KIDINS220: variants seen among roughly 807,000 people sequenced by gnomAD.
The protein encoded by KIDINS220 is kinase D-interacting substrate of 220 kDa.
In KIDINS220, 63 loss-of-function variants were observed where a neutral mutation model predicts 157.6. The ratio of observed to expected loss-of-function variants is 0.40; its 90% confidence interval spans 0.33 to 0.49. The LOEUF is 0.49. Among genes scored for constraint, KIDINS220 ranks in the 20% least tolerant of loss-of-function variants. The pLI, the probability that KIDINS220 is intolerant of heterozygous loss-of-function variation, is 0.66. For synonymous variants in KIDINS220, 732 were observed against 783.6 expected (o/e 0.93, Z 1.10); for missense variants, 1,772 against 2,171.2 (o/e 0.82, Z 3.65).
At position 8,810,741 on chromosome 2, in the gene KIDINS220, A is replaced by G. The variant is rs970523151; in HGVS notation, c.504+1654T>C. ...GCAGAGGTTGCAGTAAGCCAAGATC[A>G]TGCCACTGCACTCCAGCCTAGGTGA... is the stretch of plus-strand genomic sequence containing the variant. On this transcript the variant is annotated intron_variant, in intron 6 of 29. Coordinates refer to ENST00000256707, the MANE Select transcript of KIDINS220 (RefSeq NM_020738.4). Among the ~76,000 whole-genome samples the G allele has an allele frequency of 2.6e-5, 4 of 152,112 alleles. No individual in the cohort carries two copies. In the South Asian group the frequency reaches 8.3e-4, roughly 31 times the overall value.
intron 26 of KIDINS220, among the ~76,000 whole-genome samples, chr2:8,745,965 C>A (rs560435377): frequency 1.3e-5 from 2 of 151,560 alleles, no homozygotes; most frequent in Non-Finnish European, 2.9e-5. Flanking sequence ...GTAAATAAAA[C>A]AACCAAAGTT....
In KIDINS220 at chr2:8,730,093, G is replaced by GC. The variant is rs894589304; in HGVS notation, c.*626dup. The GC allele has an allele frequency of 8.1e-6, 8 of 985,680 alleles. No homozygotes were observed. The highest frequency in any genetic ancestry group is 1.7e-5 in the African/African-American group (1 of 57,228). 61.1% of individuals were successfully genotyped at this position (985,680 alleles called of 1,614,324 possible). ...TCTACTCTCCTAACAGCTCAGGACAGCCCCGTCACACTACTGCCAGCCCTG... is the reference window on the plus strand; with the variant it reads ...TCTACTCTCCTAACAGCTCAGGACAGCCCCCGTCACACTACTGCCAGCCCTG... On this transcript the variant is annotated 3_prime_UTR_variant, in exon 30 of 30. Coordinates refer to ENST00000256707, the MANE Select transcript of KIDINS220 (RefSeq NM_020738.4).
downstream of KIDINS220, among the ~76,000 whole-genome samples, chr2:8,726,183 T>C (rs1204985185): frequency 3.3e-5 from 5 of 152,348 alleles, no homozygotes; most frequent in South Asian, 6.2e-4. Context: ...TTTATTCTTA[T>C]ACATTCTTTC....
At chr2:8,783,675 A>G (rs1331525683) in intron 17 of KIDINS220, among the ~76,000 whole-genome samples, 1 of 152,200 alleles carries the variant, frequency 6.6e-6, no homozygotes, top group Non-Finnish European at 1.5e-5. Context: ...CCTATATATC[A>G]GCGTCAAACA....
At chr2:8,796,406 C>T (rs985159597) in intron 11 of KIDINS220, among the ~76,000 whole-genome samples, 1 of 152,156 alleles carries the variant, frequency 6.6e-6, no homozygotes, top group African/African-American at 2.4e-5. Flanking sequence ...TGTCAGTGAA[C>T]ATTAACACCG....
At chr2:8,827,403 C>T (rs768541302) in intron 1 of KIDINS220, among the ~76,000 whole-genome samples, 6 of 152,178 alleles carry the variant, frequency 3.9e-5, no homozygotes, top group Non-Finnish European at 8.8e-5. Context: ...CTCCCCTGCT[C>T]CTCCTGCTGT....
At chr2:8,801,444 C>T (rs2148325427) in intron 8 of KIDINS220, among the ~76,000 whole-genome samples, 1 of 152,306 alleles carries the variant, frequency 6.6e-6, no homozygotes, top group Admixed American at 6.5e-5. Flanking sequence ...TGGGTGCAGA[C>T]TAGTAAACTT....
intron 21 of KIDINS220, among the ~76,000 whole-genome samples, chr2:8,772,042 G>C (rs1029639256): frequency 2.0e-5 from 3 of 152,146 alleles, no homozygotes; most frequent in Non-Finnish European, 4.4e-5. Flanking sequence ...AAGTTAGTCT[G>C]GTGGGAAGGC....
intron 24 of KIDINS220, 71 bp from the exon 25 acceptor site, chr2:8,748,071 T>C: frequency 2.3e-6 from 2 of 867,214 alleles, no homozygotes; most frequent in East Asian, 2.9e-5. Context: ...ATTTTTCAAA[T>C]GAAACCAATA....
In KIDINS220 at chr2:8,793,799, T is replaced by G. The variant is rs746500018; in HGVS notation, c.1276+11A>C. The G allele has an allele frequency of 1.3e-6, 2 of 1,580,322 alleles. No individual in the cohort carries two copies. The highest frequency in any genetic ancestry group is 4.5e-5 in the East Asian group (2 of 44,246). On this transcript the variant is annotated intron_variant, in intron 12 of 29. Coordinates refer to ENST00000256707, the MANE Select transcript of KIDINS220 (RefSeq NM_020738.4). ...TTAAAAGCTCAGTTAGGAGCAAAAC[T>G]CAATACTTACTGGCTCCAAATATTT...
downstream of KIDINS220, among the ~76,000 whole-genome samples, chr2:8,728,338 C>T (rs1471581248): frequency 6.6e-6 from 1 of 151,484 alleles, no homozygotes; most frequent in African/African-American, 2.4e-5. Context: ...AACAAACAAA[C>T]AAACAAACAA....
intron 27 of KIDINS220, 59 bp downstream of exon 27, chr2:8,736,808 CA>C: frequency 6.3e-7 from 1 of 1,584,930 alleles, no homozygotes; most frequent in Non-Finnish European, 8.6e-7. Flanking sequence ...ACACGACCCA[CA>C]CAGTCCTGTC....
At chr2:8,750,410 C>G (rs1316686298) in intron 23 of KIDINS220, 75 bp from the exon 24 acceptor site, 24 of 959,688 alleles carry the variant, frequency 2.5e-5, no homozygotes, top group Non-Finnish European at 3.4e-5. Context: ...TCACATTCTT[C>G]TTTAGTTACT....
intron 1 of KIDINS220, among the ~76,000 whole-genome samples, chr2:8,834,857 ATT>A (rs1680180141): frequency 6.6e-6 from 1 of 152,142 alleles, no homozygotes; most frequent in South Asian, 2.1e-4. Flanking sequence ...ATTTATTTTT[ATT>A]GAGACAGGGT....
At chr2:8,767,395 A>C (rs1669623063) in intron 22 of KIDINS220, among the ~76,000 whole-genome samples, 1 of 152,190 alleles carries the variant, frequency 6.6e-6, no homozygotes, top group South Asian at 2.1e-4. Context: ...CATGCATTAA[A>C]CAGTTTTTGG....
At chr2:8,796,416 G>A (rs1183312973) in intron 11 of KIDINS220, among the ~76,000 whole-genome samples, 4 of 152,144 alleles carry the variant, frequency 2.6e-5, no homozygotes, top group South Asian at 4.1e-4. Context: ...CATTAACACC[G>A]TCTGCTCTGA....
intron 2 of KIDINS220, among the ~76,000 whole-genome samples, chr2:8,820,678 T>C (rs1450097444): frequency 1.3e-5 from 2 of 152,124 alleles, no homozygotes; most frequent in Non-Finnish European, 2.9e-5. Flanking sequence ...ATAGATTTTC[T>C]CGGTGAAAAA....
chr2:8,781,902 G>A (rs146516693), intron 17 of KIDINS220, among the ~76,000 whole-genome samples: 74 of 152,134 alleles, frequency 4.9e-4, no homozygotes, highest in African/African-American at 1.7e-3. Context: ...TGGGTGGATC[G>A]CTTGAGCTCA....
At chr2:8,768,257 A>C (rs1444355021) in intron 22 of KIDINS220, among the ~76,000 whole-genome samples, 2 of 152,098 alleles carry the variant, frequency 1.3e-5, no homozygotes, top group Non-Finnish European at 2.9e-5. Context: ...AAAAAAAAAA[A>C]AAACTCTCAA....
Sources: allele counts gnomAD v4.1 joint callset (sites outside exome capture counted in the v4.1 genomes callset), GRCh38; gene constraint gnomAD v4.1.1; transcripts MANE v1.5; gene names NCBI Gene and HGNC (gene_info 2026-07-23, HGNC 2026-07-21).